Variants in EBF4 observed in about 807,000 individuals in gnomAD.
The protein encoded by EBF4 is EBF transcription factor 4, also known as transcription factor COE4.
A neutral mutation model predicts 67.1 loss-of-function variants in EBF4; 34 were observed. That is an observed-to-expected ratio of 0.51 (90% CI 0.39 to 0.67). The LOEUF (loss-of-function observed/expected upper bound fraction) is 0.67. EBF4 is among the 30% of genes least tolerant of loss of function. EBF4 has a pLI of 0.00. For synonymous variants in EBF4, 387 were observed against 377.7 expected (o/e 1.02, Z -0.29); for missense variants, 837 against 873.3 (o/e 0.96, Z 0.52).
intron 6 of EBF4, among the ~76,000 whole-genome samples, chr20:2,742,241 C>T (rs2087978923): frequency 6.6e-6 from 1 of 152,150 alleles, no homozygotes; most frequent in Non-Finnish European, 1.5e-5. Flanking sequence ...ATAGCTTAGC[C>T]TTGGTTTTCT....
chr20:2,697,517 C>G (rs887470678), intron 1 of EBF4, among the ~76,000 whole-genome samples: 1 of 150,002 alleles, frequency 6.7e-6, no homozygotes, highest in East Asian at 2.0e-4. Flanking sequence ...TGCACTCCAG[C>G]CTGGGTGACA....
chr20:2,746,624 T>A (rs2146489977), intron 6 of EBF4, among the ~76,000 whole-genome samples: 1 of 152,236 alleles, frequency 6.6e-6, no homozygotes, highest in East Asian at 1.9e-4. Flanking sequence ...CTGTAACAAA[T>A]TTTCCTCTGA....
intron 6 of EBF4, among the ~76,000 whole-genome samples, chr20:2,742,957 C>T (rs1049135333): frequency 2.7e-4 from 41 of 152,186 alleles, no homozygotes; most frequent in African/African-American, 8.9e-4. Context: ...CCCAGGCTCT[C>T]TTCTTTCAAG....
At chr20:2,695,041 C>T (rs886877993) in intron 1 of EBF4, among the ~76,000 whole-genome samples, 1 of 152,078 alleles carries the variant, frequency 6.6e-6, no homozygotes, top group South Asian at 2.1e-4. Context: ...TATTTCCTTC[C>T]TATTTTTCTT....
Position 2,696,187 on chromosome 20 carries a change from C to T in EBF4, c.137+2405C>T, listed in dbSNP as rs185976811. On this transcript the variant is annotated intron_variant, in intron 1 of 16. Coordinates refer to ENST00000609451, the Ensembl canonical transcript of EBF4. The surrounding 1 kb of genome is among the most constrained non-coding windows in gnomAD (Gnocchi z 4.7). ...CTCTCTCCGATTACAAATAAAGTGA[C>T]CAGGCTGGGCGCGGTGGCTCACGCC... 2.6e-3 allele frequency among the ~76,000 whole-genome samples: 403 copies of T among 152,294 alleles called. No homozygotes were observed. The highest frequency in any genetic ancestry group is 9.0e-3 in the African/African-American group (373 of 41,560).
chr20:2,722,929 T>C (rs1158222653), intron 6 of EBF4, among the ~76,000 whole-genome samples: 2 of 152,216 alleles, frequency 1.3e-5, no homozygotes, highest in Admixed American at 1.3e-4. Flanking sequence ...TCTTATTGGA[T>C]CTACTATATT....
rs1248139209 is a variant in EBF4, at chr20:2,747,153, G to A, written c.558-1396G>A. Among the ~76,000 whole-genome samples the A allele has an allele frequency of 5.9e-5, 9 of 152,204 alleles. No homozygotes were observed. Among genetic ancestry groups the A allele is most frequent in the South Asian group, 4.2e-4 (2 of 4,818 alleles). Reference sequence around the variant, plus strand: ...CTAAAACTACAAAAAGTAGCCAGGCGTGGTGGCAGGCCCCTGTGATCCCCC... The same window carrying A: ...CTAAAACTACAAAAAGTAGCCAGGCATGGTGGCAGGCCCCTGTGATCCCCC... On this transcript the variant is annotated intron_variant, in intron 6 of 16. Coordinates refer to ENST00000609451, the Ensembl canonical transcript of EBF4. This position sits in a 1 kb window ranked among gnomAD's most constrained non-coding sequence, Gnocchi z 4.6.
At chr20:2,720,130 T>C (rs2087660685) in intron 6 of EBF4, among the ~76,000 whole-genome samples, 1 of 152,178 alleles carries the variant, frequency 6.6e-6, no homozygotes, top group African/African-American at 2.4e-5. Context: ...TATCATAAAA[T>C]TCACAAAATC....
intron 6 of EBF4, among the ~76,000 whole-genome samples, chr20:2,723,511 G>T (rs570989151): frequency 0.037 from 5,673 of 151,374 alleles, 226 homozygotes; most frequent in African/African-American, 0.097. Flanking sequence ...CACCACGCCC[G>T]GCTAATTTTT....
chr20:2,756,128 A>G lies in EBF4; in HGVS notation c.1738+304A>G, dbSNP rs2088239756. On this transcript the variant is annotated intron_variant, in intron 15 of 16. Transcript: ENST00000609451. This position sits in a 1 kb window ranked among gnomAD's most constrained non-coding sequence, Gnocchi z 4.5. Reference sequence around the variant, plus strand: ...GAAACTACCCCAACACTCCATCCCCATCCAGCTGAGCCCAGAGCAAAGACC... The same window carrying G: ...GAAACTACCCCAACACTCCATCCCCGTCCAGCTGAGCCCAGAGCAAAGACC... Among the ~76,000 whole-genome samples the G allele has an allele frequency of 6.6e-6, 1 of 152,162 alleles. No homozygotes were observed. The highest frequency in any genetic ancestry group is 1.5e-5 in the Non-Finnish European group (1 of 68,020).
rs2087283642 is a variant in EBF4 at position 2,696,018 on chromosome 20, G to A, written c.137+2236G>A. Among the ~76,000 whole-genome samples the A allele has an allele frequency of 6.6e-6, 1 of 152,170 alleles. No individual in the cohort carries two copies. Among genetic ancestry groups the A allele is most frequent in the Admixed American group, 6.5e-5 (1 of 15,278 alleles). On this transcript the variant is annotated intron_variant, in intron 1 of 16. Transcript: ENST00000609451. This position sits in a 1 kb window ranked among gnomAD's most constrained non-coding sequence, Gnocchi z 4.7. ...CTGGCCCTCCACCCGCTTCCTCCCT[G>A]GCTTGAAGGTTAACTGCACCCTGGT...
intron 14 of EBF4, among the ~76,000 whole-genome samples, chr20:2,754,056 A>G (rs1053604622): frequency 6.6e-6 from 1 of 152,076 alleles, no homozygotes; most frequent in Admixed American, 6.5e-5. Flanking sequence ...AACCCAGCCC[A>G]GCTGGGGTCT....
chr20:2,738,245 C>T (rs1278204379), intron 6 of EBF4, among the ~76,000 whole-genome samples: 7 of 152,150 alleles, frequency 4.6e-5, no homozygotes, highest in Non-Finnish European at 1.0e-4. Context: ...CTCATCTACA[C>T]CACCACCTCT....
In EBF4 at chr20:2,706,049, C is replaced by G; in HGVS notation, c.358+12C>G. 4 of 1,551,368 alleles carry G rather than the reference C, an allele frequency of 2.6e-6. No individual in the cohort carries two copies. Among genetic ancestry groups the G allele is most frequent in the Non-Finnish European group, 3.5e-6 (4 of 1,146,804 alleles). On this transcript the variant is annotated intron_variant, in intron 3 of 16. Transcript: ENST00000609451. ...GGTGTATAACAATGGTGAGTGGAGG[C>G]CCCTGCCCTACCCAGCCCTGCCCCT...
intron 5 of EBF4, 63 bp downstream of exon 5, chr20:2,708,083 A>G (rs2087484655): frequency 1.3e-6 from 2 of 1,516,056 alleles, no homozygotes; most frequent in Non-Finnish European, 1.8e-6. Flanking sequence ...GACTCTACCC[A>G]GGCCCTGCCC....
intron 6 of EBF4, among the ~76,000 whole-genome samples, chr20:2,743,932 A>G (rs911206021): frequency 6.6e-6 from 1 of 152,160 alleles, no homozygotes; most frequent in African/African-American, 2.4e-5. Context: ...CCACTCTGCT[A>G]TCAAACATCA....
intron 1 of EBF4, among the ~76,000 whole-genome samples, chr20:2,703,249 C>G (rs1371295641): frequency 7.9e-6 from 1 of 126,588 alleles, no homozygotes; most frequent in Non-Finnish European, 1.6e-5. Context: ...AGAGCAAGAC[C>G]CTGTCTTAAA....
At chr20:2,752,470 C>T in exon 14 of EBF4, 3 of 1,265,212 alleles carry the variant, frequency 2.4e-6, no homozygotes, top group Non-Finnish European at 3.0e-6. Flanking sequence ...CTACGGCGCG[C>T]CGGGCGTGGC....
At chr20:2,737,163 T>C (rs549393282) in intron 6 of EBF4, among the ~76,000 whole-genome samples, 3 of 147,450 alleles carry the variant, frequency 2.0e-5, no homozygotes, top group Non-Finnish European at 4.5e-5. Flanking sequence ...GGCAGGAGAA[T>C]GGCGTGAACC....
Sources: allele counts gnomAD v4.1 joint callset (sites outside exome capture counted in the v4.1 genomes callset), GRCh38; gene constraint gnomAD v4.1.1; non-coding constraint Gnocchi (gnomAD v3.1); transcripts MANE v1.5; gene names NCBI Gene and HGNC (gene_info 2026-07-23, HGNC 2026-07-21).